The following NRP1 variants were observed in gnomAD, a reference collection of about 807,000 sequenced individuals.
The protein encoded by NRP1 is neuropilin 1.
In NRP1, 35 loss-of-function variants were observed where a neutral mutation model predicts 106.7. The ratio of observed to expected loss-of-function variants is 0.33; its 90% CI spans 0.25 to 0.43. The LOEUF is 0.43. Ranked by LOEUF, NRP1 falls within the 20% of genes least tolerant of loss-of-function variation. The probability of loss-of-function intolerance (pLI) is 1.00; values close to 1 mark genes in which losing one functional copy is unlikely to be tolerated. For missense variants in NRP1, 1,024 were observed against 1,170.4 expected, an observed-to-expected ratio of 0.87 and a Z score of 1.83; for synonymous variants, 437 against 417.9, an observed-to-expected ratio of 1.05 and a Z score of -0.56.
chr10:33,298,271 C>T (rs1338335888), intron 2 of NRP1, among the ~76,000 whole-genome samples: 1 of 152,174 alleles, frequency 6.6e-6, no homozygotes, highest in East Asian at 1.9e-4. Flanking sequence ...ATCTCTGCTT[C>T]ACTGGGGTTT....
chr10:33,326,558 A>G (rs1208421431), intron 2 of NRP1, among the ~76,000 whole-genome samples: 1 of 152,152 alleles, frequency 6.6e-6, no homozygotes, highest in Non-Finnish European at 1.5e-5. Context: ...CTGGGAAAAA[A>G]TCCTAGTTCT....
chr10:33,256,267 T>C, intron 5 of NRP1, 49 bp downstream of exon 5: 1 of 1,584,174 alleles, frequency 6.3e-7, no homozygotes, highest in Non-Finnish European at 8.7e-7. Flanking sequence ...TGAGCAGGAA[T>C]AACATTGAGT....
At chr10:33,288,324 T>C (rs1187250801) in intron 2 of NRP1, 1 of 152,190 alleles carries the variant, frequency 6.6e-6, no homozygotes, top group Non-Finnish European at 1.5e-5. Flanking sequence ...TCTCACTGTG[T>C]TGCCTTGGCT....
At chr10:33,258,880 A>G (rs1185183694) in intron 4 of NRP1, among the ~76,000 whole-genome samples, 1 of 152,080 alleles carries the variant, frequency 6.6e-6, no homozygotes, top group African/African-American at 2.4e-5. Context: ...CAATATTAAA[A>G]GAAAAGCCTT....
chr10:33,253,633 T>C (rs1481968247), intron 6 of NRP1, among the ~76,000 whole-genome samples: 1 of 152,150 alleles, frequency 6.6e-6, no homozygotes, highest in Non-Finnish European at 1.5e-5. Flanking sequence ...ATTCATATAT[T>C]TCATCCAGGA....
intron 2 of NRP1, among the ~76,000 whole-genome samples, chr10:33,302,211 T>C (rs1845850606): frequency 6.6e-6 from 1 of 152,222 alleles, no homozygotes; most frequent in East Asian, 1.9e-4. Flanking sequence ...CATTTTAATG[T>C]CATTATCCCC....
At chr10:33,328,702 T>C (rs1487421970) in intron 2 of NRP1, among the ~76,000 whole-genome samples, 2 of 152,116 alleles carry the variant, frequency 1.3e-5, no homozygotes, top group Admixed American at 6.6e-5. Context: ...TGACATCACA[T>C]GGTTAGTTTG....
At chr10:33,300,001 G>A (rs969537114) in intron 2 of NRP1, among the ~76,000 whole-genome samples, 2 of 152,198 alleles carry the variant, frequency 1.3e-5, no homozygotes, top group Non-Finnish European at 2.9e-5. Context: ...TTCACACTCT[G>A]AACTGCCTGC....
intron 2 of NRP1, among the ~76,000 whole-genome samples, chr10:33,275,774 GTGGCTCA>G (rs1843645844): frequency 5.3e-5 from 8 of 151,586 alleles, no homozygotes; most frequent in Non-Finnish European, 8.8e-5. Context: ...GCAAGGTATG[GTGGCTCA>G]TGGCTGTAGT....
At chr10:33,281,971 A>G (rs1374862384) in intron 2 of NRP1, among the ~76,000 whole-genome samples, 2 of 152,234 alleles carry the variant, frequency 1.3e-5, no homozygotes, top group Non-Finnish European at 2.9e-5. Flanking sequence ...CACTTAGAAG[A>G]TAACCAACTC....
intron 3 of NRP1, among the ~76,000 whole-genome samples, chr10:33,268,383 C>T (rs1160504069): frequency 6.6e-6 from 1 of 152,104 alleles, no homozygotes; most frequent in East Asian, 1.9e-4. Context: ...GGAAAAGAAG[C>T]TGAGAGTCTT....
chr10:33,304,839 G>A (rs895536698), intron 2 of NRP1, among the ~76,000 whole-genome samples: 2 of 152,194 alleles, frequency 1.3e-5, no homozygotes, highest in Non-Finnish European at 2.9e-5. Flanking sequence ...GCTGCTTTTC[G>A]AGGCAGTCTG....
chr10:33,218,598 G>C (rs1838978652), intron 8 of NRP1, among the ~76,000 whole-genome samples: 1 of 152,008 alleles, frequency 6.6e-6, no homozygotes, highest in Non-Finnish European at 1.5e-5. Context: ...ACCTGCCTCG[G>C]CCTCCCAAAG....
chr10:33,332,523 G>T (rs1011636862), intron 1 of NRP1, among the ~76,000 whole-genome samples: 13 of 152,172 alleles, frequency 8.5e-5, no homozygotes, highest in Admixed American at 5.9e-4. Context: ...ACATTTAGGT[G>T]GACTTGGTAC....
Position 33,280,581 on chromosome 10 carries a change from G to C in NRP1, c.249-9725C>G, listed in dbSNP as rs569128105. ...GATTGTCTCTAGAAGAGTTTATATAGCAAGTCCAGCCATCAAGAAGTGATA... is the reference window on the plus strand; with the variant it reads ...GATTGTCTCTAGAAGAGTTTATATACCAAGTCCAGCCATCAAGAAGTGATA... On this transcript the variant is annotated intron_variant, in intron 2 of 16. Coordinates refer to ENST00000374867, the MANE Select transcript of NRP1 (RefSeq NM_003873.7). Among the ~76,000 whole-genome samples the C allele has an allele frequency of 7.2e-5, 11 of 152,220 alleles. 1 individual carries two copies. In the South Asian group the frequency reaches 2.3e-3, roughly 32 times the overall value.
At chr10:33,277,187 T>C (rs1843765751) in intron 2 of NRP1, among the ~76,000 whole-genome samples, 1 of 151,286 alleles carries the variant, frequency 6.6e-6, no homozygotes, top group African/African-American at 2.4e-5. Context: ...ATATAATCAG[T>C]GAAAAATGCT....
intron 2 of NRP1, among the ~76,000 whole-genome samples, chr10:33,288,054 T>C (rs1354663042): frequency 2.0e-5 from 3 of 152,134 alleles, no homozygotes; most frequent in African/African-American, 7.2e-5. Flanking sequence ...CTAAATTTGG[T>C]TAAAGTGAAC....
chr10:33,290,348 GTTTT>G (rs10718716), intron 2 of NRP1, among the ~76,000 whole-genome samples: 4 of 135,812 alleles, frequency 2.9e-5, no homozygotes, highest in African/African-American at 2.7e-5. Context: ...TTACCAAGAG[GTTTT>G]TTTTTTTTTT....
At position 33,334,374 on chromosome 10, in the gene NRP1, C is replaced by T. The variant is rs953208828; in HGVS notation, c.9G>A (p.Arg3=). 2.6e-6 allele frequency: 4 copies of T among 1,545,662 alleles called. No individual in the cohort carries two copies. Among genetic ancestry groups the T allele is most frequent in the Non-Finnish European group, 3.5e-6 (4 of 1,147,188 alleles). Residue 3 remains arginine (R), a synonymous_variant, in exon 1 of 17, where the codon AGG becomes AGA. Coordinates refer to ENST00000374867, the MANE Select transcript of NRP1 (RefSeq NM_003873.7). Reference sequence around the variant, plus strand: ...GCACGGCGCAGAGGAGCGGCAGCCCCCTCTCCATTCTCCCTTCTCCGGGTC... The same window carrying T: ...GCACGGCGCAGAGGAGCGGCAGCCCTCTCTCCATTCTCCCTTCTCCGGGTC... ME[R]GLPLLCAVLA... is the part of the protein sequence containing the mutation.
Sources: allele counts gnomAD v4.1 joint callset (sites outside exome capture counted in the v4.1 genomes callset), GRCh38; gene constraint gnomAD v4.1.1; transcripts MANE v1.5; gene names NCBI Gene and HGNC (gene_info 2026-07-23, HGNC 2026-07-21).